The following GMDS variants were observed in gnomAD, a reference collection of about 807,000 sequenced individuals.
GMDS encodes the protein GDP-mannose 4,6-dehydratase, also known as GDP-mannose 4,6 dehydratase.
A neutral mutation model predicts 49.9 loss-of-function variants in GMDS; 20 were observed. That is an observed-to-expected ratio of 0.40 (90% CI 0.28 to 0.58). The LOEUF (loss-of-function observed/expected upper bound fraction) is 0.58. GMDS is among the 20% of genes least tolerant of loss of function. The probability of loss-of-function intolerance (pLI) is 0.42; values close to 1 mark genes in which losing one functional copy is unlikely to be tolerated. For synonymous variants in GMDS, 177 were observed against 178.6 expected (o/e 0.99, Z 0.07); for missense variants, 362 against 481.4 (o/e 0.75, Z 2.32).
intron 7 of GMDS, among the ~76,000 whole-genome samples, chr6:1,744,546 G>A (rs1245295841): frequency 6.7e-6 from 1 of 148,852 alleles, no homozygotes; most frequent in Non-Finnish European, 1.5e-5. Context: ...ACAAGCAGAT[G>A]GAGTCTACAA....
intron 4 of GMDS, among the ~76,000 whole-genome samples, chr6:2,061,027 A>G (rs1022704094): frequency 2.6e-5 from 4 of 151,840 alleles, no homozygotes; most frequent in Non-Finnish European, 4.4e-5. Flanking sequence ...AAACAAAAAA[A>G]AAAAAGAAAG....
chr6:1,789,532 CTTTT>C (rs59996305), intron 7 of GMDS, among the ~76,000 whole-genome samples: 1,880 of 141,268 alleles, frequency 0.013, 42 homozygotes, highest in African/African-American at 0.046. Context: ...TTTCTTTTTT[CTTTT>C]TTTTTTTTTT....
intron 4 of GMDS, among the ~76,000 whole-genome samples, chr6:2,084,203 T>A (rs1318913158): frequency 6.6e-6 from 1 of 152,210 alleles, no homozygotes; most frequent in East Asian, 1.9e-4. Context: ...ACTCTTCATA[T>A]CAATTTATGT....
intron 9 of GMDS, among the ~76,000 whole-genome samples, chr6:1,627,100 A>G (rs949935019): frequency 6.6e-6 from 1 of 152,256 alleles, no homozygotes; most frequent in Non-Finnish European, 1.5e-5. Flanking sequence ...TTGGCTCTCT[A>G]TGCCAGCTGT....
chr6:1,769,082 T>C (rs1251270525), intron 7 of GMDS, among the ~76,000 whole-genome samples: 1 of 152,212 alleles, frequency 6.6e-6, no homozygotes, highest in African/African-American at 2.4e-5. Flanking sequence ...CACTAGTATA[T>C]TATAATTTAA....
intron 7 of GMDS, among the ~76,000 whole-genome samples, chr6:1,760,619 C>A (rs1768121364): frequency 6.6e-6 from 1 of 152,172 alleles, no homozygotes; most frequent in African/African-American, 2.4e-5. Context: ...GGGACATGCA[C>A]CGTCTTTGTA....
intron 4 of GMDS, among the ~76,000 whole-genome samples, chr6:2,112,392 T>C (rs1774597226): frequency 6.6e-6 from 1 of 152,164 alleles, no homozygotes; most frequent in African/African-American, 2.4e-5. Flanking sequence ...TTAAGGAACA[T>C]ATTCTATTTG....
At position 1,935,402 on chromosome 6, in the gene GMDS, T is replaced by C. The variant is rs2761228; in HGVS notation, c.644-5172A>G. On this transcript the variant is annotated intron_variant, in intron 6 of 10. Transcript: ENST00000380815. Reference sequence around the variant, plus strand: ...GCTTTGATGTTTAAAGGAGAAAATCTAGGTTTTCTGGTTATCAGTAAGTAC... The same window carrying C: ...GCTTTGATGTTTAAAGGAGAAAATCCAGGTTTTCTGGTTATCAGTAAGTAC... Among the ~76,000 whole-genome samples the C allele has an allele frequency of 6.3e-3, 954 of 152,322 alleles. 8 individuals carry two copies. Among genetic ancestry groups the C allele is most frequent in the African/African-American group, 0.022 (894 of 41,568 alleles).
chr6:1,674,560 CTTTT>C (rs869292549), intron 9 of GMDS, among the ~76,000 whole-genome samples: 417 of 73,388 alleles, frequency 5.7e-3, no homozygotes, highest in African/African-American at 6.1e-3. Context: ...CTCTCTCTCT[CTTTT>C]TTTTTTTTTT....
At chr6:2,174,550 T>TTTTG (rs1778177520) in intron 1 of GMDS, among the ~76,000 whole-genome samples, 1 of 139,876 alleles carries the variant, frequency 7.1e-6, no homozygotes, top group African/African-American at 2.7e-5. Context: ...GCCTAGTTTT[T>TTTTG]TTTGTTTTGT....
chr6:1,944,834 A>G (rs990497922), intron 6 of GMDS, among the ~76,000 whole-genome samples: 1 of 152,252 alleles, frequency 6.6e-6, no homozygotes, highest in Non-Finnish European at 1.5e-5. Flanking sequence ...ATAAATGTCC[A>G]TAAAATGATG....
intron 4 of GMDS, among the ~76,000 whole-genome samples, chr6:2,014,666 TA>T (rs2127398439): frequency 6.6e-6 from 1 of 152,116 alleles, no homozygotes; most frequent in South Asian, 2.1e-4. Context: ...AAGAATAAAA[TA>T]TAACTGCAAA....
intron 7 of GMDS, among the ~76,000 whole-genome samples, chr6:1,907,977 C>A (rs1190763099): frequency 6.6e-6 from 1 of 152,126 alleles, no homozygotes; most frequent in East Asian, 1.9e-4. Context: ...ACAGTAAGAG[C>A]TTAACAACAA....
At chr6:1,960,236 T>C (rs1206961063) in intron 5 of GMDS, among the ~76,000 whole-genome samples, 1 of 152,186 alleles carries the variant, frequency 6.6e-6, no homozygotes, top group Non-Finnish European at 1.5e-5. Context: ...GATCTTTTTC[T>C]CTCTCATTCT....
intron 6 of GMDS, among the ~76,000 whole-genome samples, chr6:1,958,032 C>G (rs1040855420): frequency 6.6e-6 from 1 of 151,710 alleles, no homozygotes; most frequent in Non-Finnish European, 1.5e-5. Context: ...TCCCAAACTC[C>G]TGGGCTCAAG....
chr6:1,775,094 C>T (rs1581166479), intron 7 of GMDS, among the ~76,000 whole-genome samples: 1 of 152,034 alleles, frequency 6.6e-6, no homozygotes, highest in East Asian at 1.9e-4. Flanking sequence ...AATCAAGGAC[C>T]CAGGAATGAA....
At chr6:1,974,726 T>C (rs1362092713) in intron 4 of GMDS, among the ~76,000 whole-genome samples, 3 of 151,994 alleles carry the variant, frequency 2.0e-5, no homozygotes, top group African/African-American at 7.2e-5. Context: ...AGATTACTAA[T>C]GCCCATAAAA....
chr6:1,912,843 C>T (rs75413458), intron 7 of GMDS, among the ~76,000 whole-genome samples: 2,654 of 152,154 alleles, frequency 0.017, 78 homozygotes, highest in African/African-American at 0.06. Context: ...GAATTTCAAC[C>T]TCATGCACAC....
At chr6:2,202,136 T>C (rs1581789582) in intron 1 of GMDS, among the ~76,000 whole-genome samples, 1 of 139,622 alleles carries the variant, frequency 7.2e-6, no homozygotes, top group Non-Finnish European at 1.6e-5. Flanking sequence ...GAGGGCAGCA[T>C]GTTAGCAGAG....
Sources: gnomAD v4.1 joint callset for allele counts (sites outside exome capture counted in the v4.1 genomes callset) on GRCh38, gnomAD v4.1.1 for gene constraint, MANE v1.5 for transcripts, NCBI Gene and HGNC (gene_info 2026-07-23, HGNC 2026-07-21) for gene names.